Variants in CPNE1 observed in about 807,000 individuals in gnomAD.
CPNE1 encodes the protein copine 1.
A neutral mutation model predicts 63.2 loss-of-function variants in CPNE1; 58 were observed. The ratio of observed to expected loss-of-function variants is 0.92; its 90% confidence interval spans 0.74 to 1.14. CPNE1 has a LOEUF of 1.14. CPNE1 is among the 50% of genes most tolerant of loss of function. CPNE1 has a pLI of 0.00. For missense variants in CPNE1, 672 were observed against 661.7 expected (o/e 1.02, Z -0.17); for synonymous variants, 237 against 249.0 (o/e 0.95, Z 0.45).
intron 1 of CPNE1, 21 bp downstream of exon 1, chr20:35,664,739 C>G (rs1203996931): frequency 6.6e-6 from 1 of 152,314 alleles, no homozygotes; most frequent in Non-Finnish European, 1.5e-5. Context: ...CCCACCCGTT[C>G]AGGGGCTGCG....
At chr20:35,646,749 T>C (rs926029455) in intron 1 of CPNE1, among the ~76,000 whole-genome samples, 1 of 152,186 alleles carries the variant, frequency 6.6e-6, no homozygotes, top group African/African-American at 2.4e-5. Context: ...ATTCCTAAAA[T>C]GAGTTAAATA....
intron 1 of CPNE1, chr20:35,651,939 T>C (rs1017919286): frequency 7.9e-5 from 12 of 152,514 alleles, no homozygotes; most frequent in African/African-American, 2.9e-4. Context: ...ATGAGTCAAT[T>C]AGACAAACAA....
intron 1 of CPNE1, among the ~76,000 whole-genome samples, chr20:35,648,218 T>C (rs1487917075): frequency 6.6e-6 from 1 of 152,170 alleles, no homozygotes; most frequent in Non-Finnish European, 1.5e-5. Context: ...CAAGTCAAAA[T>C]GATCAGATTC....
chr20:35,631,651 T>C, intron 7 of CPNE1, 37 bp downstream of exon 7: 3 of 1,610,306 alleles, frequency 1.9e-6, no homozygotes, highest in Non-Finnish European at 2.5e-6. Flanking sequence ...CAGGTTCTCT[T>C]CTCCAGCGCA....
At chr20:35,630,719 G>A in intron 12 of CPNE1, 22 bp downstream of exon 12, 2 of 1,612,932 alleles carry the variant, frequency 1.2e-6, no homozygotes, top group South Asian at 1.1e-5. Flanking sequence ...AAACAGGAGT[G>A]GCAGAAAGAG....
chr20:35,661,150 T>C (rs2034212022), intron 1 of CPNE1, among the ~76,000 whole-genome samples: 2 of 152,198 alleles, frequency 1.3e-5, no homozygotes, highest in Non-Finnish European at 2.9e-5. Context: ...ATGCAGAAAG[T>C]TGATGCTACA....
At chr20:35,645,137 A>T (rs556872482) in intron 1 of CPNE1, among the ~76,000 whole-genome samples, 1 of 152,200 alleles carries the variant, frequency 6.6e-6, no homozygotes, top group Non-Finnish European at 1.5e-5. Context: ...AAAGGAGTGT[A>T]TATCTCCTAC....
At chr20:35,653,137 C>T (rs762737182) in intron 1 of CPNE1, 1 of 1,613,676 alleles carries the variant, frequency 6.2e-7, no homozygotes, top group Non-Finnish European at 8.5e-7. Flanking sequence ...GGCATTTGAT[C>T]CACCAAAATT....
chr20:35,654,166 C>T (rs1396513263), intron 1 of CPNE1: 2 of 1,614,212 alleles, frequency 1.2e-6, no homozygotes, highest in South Asian at 2.2e-5. Context: ...GATATGGCCT[C>T]CAGCAGCTAC....
intron 1 of CPNE1, among the ~76,000 whole-genome samples, chr20:35,637,682 A>G (rs2032566818): frequency 6.6e-6 from 1 of 152,170 alleles, no homozygotes; most frequent in African/African-American, 2.4e-5. Context: ...TTCTGGGTTT[A>G]TTAGCCAAAC....
intron 1 of CPNE1, among the ~76,000 whole-genome samples, chr20:35,656,927 T>TCTACTATAAG (rs763826901): frequency 1.2e-4 from 18 of 151,140 alleles, no homozygotes; most frequent in Non-Finnish European, 1.5e-4. Context: ...GGCAAGATTT[T>TCTACTATAAG]CTACTATAAG....
chr20:35,654,886 T>C (rs749667549), intron 1 of CPNE1: 2 of 1,613,926 alleles, frequency 1.2e-6, no homozygotes, highest in East Asian at 4.5e-5. Context: ...TGTCTGTATG[T>C]TTTTGTTGCT....
rs6060523 is a variant in CPNE1 at position 35,630,589 on chromosome 20, G to A, written c.1051-99C>T. On this transcript the variant is annotated intron_variant, in intron 12 of 15. Transcript: ENST00000397443. ...CCAAGATTCCTATAGGAGCTATGGAGTCCTGAGCACTTGCTGTCTACGTGC... is the reference window on the plus strand; with the variant it reads ...CCAAGATTCCTATAGGAGCTATGGAATCCTGAGCACTTGCTGTCTACGTGC... 7.5e-6 allele frequency: 11 copies of A among 1,469,842 alleles called. No individual in the cohort carries two copies. The African/African-American group carries it at 1.2e-4, about 17-fold the overall frequency. The allele number at this position is 1,469,842 out of a possible 1,614,324, so 91.0% of individuals were successfully genotyped here.
chr20:35,632,005 A>C lies in CPNE1; in HGVS notation c.477T>G (p.Asp159Glu). 2 of 1,614,036 alleles carry C rather than the reference A, an allele frequency of 1.2e-6. No individual in the cohort carries two copies. Among genetic ancestry groups the C allele is most frequent in the Non-Finnish European group, 1.7e-6 (2 of 1,179,986 alleles). ...CCTGGCGGAAGAACTCCAGAAATGG[A>C]TCTGATTTTCCCAGGAAGTCCTGCC... is the stretch of plus-strand genomic sequence containing the variant. ...LDKKDFLGKS[D>E]PFLEFFRQGD... is the part of the protein sequence containing the mutation. Residue 159 changes from aspartate to glutamate, a missense_variant, in exon 6 of 16, where the codon GAT becomes GAG. By Grantham distance (45) the Asp-to-Glu change is conservative (BLOSUM62 2). Transcript: ENST00000397443.
chr20:35,626,199 T>A lies in CPNE1; in HGVS notation c.*42A>T, dbSNP rs372285635. ...TTGGGTTGTGGCCCAGAGGGACCTCTGGGACACAGGATTGAGGACTTGCCA... is the reference window on the plus strand; with the variant it reads ...TTGGGTTGTGGCCCAGAGGGACCTCAGGGACACAGGATTGAGGACTTGCCA... On this transcript the variant is annotated 3_prime_UTR_variant, in exon 16 of 16. Coordinates refer to ENST00000397443, the MANE Select transcript of CPNE1 (RefSeq NM_152925.3). 7 of 1,611,748 alleles carry A rather than the reference T, an allele frequency of 4.3e-6. No individual in the cohort carries two copies. In the African/African-American group the frequency reaches 9.4e-5, roughly 22 times the overall value.
Position 35,631,257 on chromosome 20 carries a change from T to A in CPNE1, c.801+11A>T. 6.2e-7 allele frequency: 1 copy of A among 1,614,016 alleles called. No individual in the cohort carries two copies. Among genetic ancestry groups the A allele is most frequent in the South Asian group, 1.1e-5 (1 of 91,086 alleles). The stretch of plus-strand genomic sequence containing the variant: ...GAATCAGAGCCTTGGTTACATGGGC[T>A]TTTGTCTCACCCGACAAATCTTGAC... On this transcript the variant is annotated intron_variant, in intron 9 of 15. Transcript: ENST00000397443.
chr20:35,648,771 C>G (rs1378484706), intron 1 of CPNE1, among the ~76,000 whole-genome samples: 1 of 152,200 alleles, frequency 6.6e-6, no homozygotes, highest in Non-Finnish European at 1.5e-5. Flanking sequence ...TCTCTTGACA[C>G]TTCAGCATTA....
intron 12 of CPNE1, 102 bp downstream of exon 12, chr20:35,630,639 C>G (rs752100578): frequency 2.4e-5 from 35 of 1,487,400 alleles, no homozygotes; most frequent in Non-Finnish European, 3.3e-5. Flanking sequence ...CCCTGCATCT[C>G]CTCTTAAAGC....
At chr20:35,658,753 T>C (rs941530741) in intron 1 of CPNE1, among the ~76,000 whole-genome samples, 36 of 151,530 alleles carry the variant, frequency 2.4e-4, no homozygotes, top group African/African-American at 8.0e-4. Context: ...GAGTCTAGCC[T>C]GGGCAACTGA....
Sources: gnomAD v4.1 joint callset for allele counts (sites outside exome capture counted in the v4.1 genomes callset) on GRCh38, gnomAD v4.1.1 for gene constraint, MANE v1.5 for transcripts, NCBI Gene and HGNC (gene_info 2026-07-23, HGNC 2026-07-21) for gene names.